Variants in LARP4 observed in about 807,000 individuals in gnomAD.
The protein encoded by LARP4 is la-related protein 4.
LARP4 carries 29 observed loss-of-function variants against 92.9 expected under a neutral mutation model. The observed-to-expected ratio is 0.31, with a 90% CI of 0.23 to 0.43. The LOEUF is 0.43. LARP4 is among the 20% of genes least tolerant of loss of function. LARP4 has a pLI of 1.00. For missense variants in LARP4, 732 were observed against 860.0 expected, an observed-to-expected ratio of 0.85 and a Z score of 1.86; for synonymous variants, 279 against 284.1, an observed-to-expected ratio of 0.98 and a Z score of 0.18.
intron 1 of LARP4, among the ~76,000 whole-genome samples, chr12:50,423,827 C>T (rs1305523934): frequency 6.6e-6 from 1 of 151,496 alleles, no homozygotes. Flanking sequence ...TTTCGGCTCA[C>T]TGCAATCTCC....
chr12:50,451,560 C>T (rs1040994281), intron 8 of LARP4, among the ~76,000 whole-genome samples: 3 of 152,120 alleles, frequency 2.0e-5, no homozygotes, highest in African/African-American at 7.2e-5. Context: ...CAAGGCCAGG[C>T]GCGGTGGCTC....
chr12:50,429,158 T>C (rs1949259755), intron 3 of LARP4, 68 bp downstream of exon 3: 1 of 1,124,504 alleles, frequency 8.9e-7, no homozygotes, highest in African/African-American at 1.6e-5. Context: ...ATGGTCTCTT[T>C]ATACTTGTTC....
chr12:50,468,131 C>T (rs905902863), intron 13 of LARP4, among the ~76,000 whole-genome samples: 3 of 151,984 alleles, frequency 2.0e-5, no homozygotes, highest in African/African-American at 7.3e-5. Flanking sequence ...AGGCATGTGC[C>T]ACCACACCCA....
chr12:50,475,856 C>T lies in LARP4; in HGVS notation c.2167C>T (p.Pro723Ser). The T allele has an allele frequency of 6.2e-7, 1 of 1,610,712 alleles. No homozygotes were observed. Among genetic ancestry groups the T allele is most frequent in the Non-Finnish European group, 8.5e-7 (1 of 1,178,438 alleles). Residue 723 changes from proline (P) to serine (S), a missense_variant, in exon 16 of 16, where the codon CCA becomes TCA. Physicochemically the swap from Pro to Ser is moderately conservative, Grantham distance 74. Around this residue, in one of 7 missense-constraint regions of LARP4, gnomAD observed 115 missense variants for 129.1 expected, o/e 0.89. Transcript: ENST00000398473. ...GKEQYVPPRSPK is the reference protein window; with the variant it reads ...GKEQYVPPRSSK The stretch of plus-strand genomic sequence containing the variant: ...AGAGCAATATGTGCCACCCAGATCA[C>T]CAAAGTAAAAAACAACAAAACTATT...
At chr12:50,421,715 A>G (rs17124672) in intron 1 of LARP4, among the ~76,000 whole-genome samples, 16,680 of 152,044 alleles carry the variant, frequency 0.11, 1,835 homozygotes, top group East Asian at 0.47. Flanking sequence ...GAGAACACCA[A>G]TCTGGTCTGG....
At chr12:50,412,055 G>A (rs548117076) in intron 1 of LARP4, among the ~76,000 whole-genome samples, 2 of 152,256 alleles carry the variant, frequency 1.3e-5, no homozygotes, top group South Asian at 4.1e-4. Context: ...ACTTTACCTT[G>A]AAGTAAAGTA....
intron 1 of LARP4, among the ~76,000 whole-genome samples, chr12:50,422,730 A>G (rs1948011868): frequency 6.6e-6 from 1 of 150,440 alleles, no homozygotes; most frequent in South Asian, 2.1e-4. Flanking sequence ...GAATCATTTT[A>G]TATAGTCTCC....
At chr12:50,460,628 A>G (rs921263933) in intron 10 of LARP4, among the ~76,000 whole-genome samples, 26 of 152,138 alleles carry the variant, frequency 1.7e-4, no homozygotes, top group African/African-American at 6.3e-4. Flanking sequence ...CCAGCCCACA[A>G]CATTTTTTAA....
At chr12:50,474,217 T>A in intron 15 of LARP4, 50 bp downstream of exon 15, 1 of 921,534 alleles carries the variant, frequency 1.1e-6, no homozygotes, top group Non-Finnish European at 1.5e-6. Flanking sequence ...TAGATTAGAT[T>A]TTTTTTTTTT....
chr12:50,474,190 T>C (rs1957283282), intron 15 of LARP4, 23 bp downstream of exon 15: 1 of 1,556,442 alleles, frequency 6.4e-7, no homozygotes, highest in Non-Finnish European at 8.7e-7. Flanking sequence ...TTTTAGTTTA[T>C]GTTAAAAAAA....
Position 50,430,518 on chromosome 12 carries a change from A to C in LARP4, c.346A>C (p.Thr116Pro), listed in dbSNP as rs142269189. 8.6e-5 allele frequency: 138 copies of C among 1,606,898 alleles called. No individual in the cohort carries two copies. Among genetic ancestry groups the C allele is most frequent in the Non-Finnish European group, 1.1e-4 (135 of 1,175,084 alleles). Reference protein sequence around the residue: ...VSGESNSAVSTEDLKECLKKQ... With the variant: ...VSGESNSAVSPEDLKECLKKQ... Reference sequence around the variant, plus strand: ...AGGAGAAAGCAATTCAGCAGTTTCTACAGAAGACCTAAAAGAATGTCTGAA... The same window carrying C: ...AGGAGAAAGCAATTCAGCAGTTTCTCCAGAAGACCTAAAAGAATGTCTGAA... Residue 116 changes from threonine to proline, a missense_variant, in exon 4 of 16, where the codon ACA becomes CCA. Physicochemically the swap from Thr to Pro is conservative, Grantham distance 38. Around this residue, in one of 7 missense-constraint regions of LARP4, gnomAD observed 236 missense variants for 307.6 expected, o/e 0.77. Coordinates refer to ENST00000398473, the MANE Select transcript of LARP4 (RefSeq NM_052879.5).
At chr12:50,459,597 G>A (rs1052363546) in intron 10 of LARP4, among the ~76,000 whole-genome samples, 1 of 152,098 alleles carries the variant, frequency 6.6e-6, no homozygotes, top group Non-Finnish European at 1.5e-5. Flanking sequence ...AGGCCGAGGT[G>A]AGCAGATCAC....
rs527583914 is a variant in LARP4 at position 50,455,809 on chromosome 12, G to A, written c.1121+1392G>A. On this transcript the variant is annotated intron_variant, in intron 10 of 15. Coordinates refer to ENST00000398473, the MANE Select transcript of LARP4 (RefSeq NM_052879.5). ...AATTTTACTACTAAACATAAACACA[G>A]GCTGAGGTGGGTGGATCATCTGAGC... Among the ~76,000 whole-genome samples the A allele has an allele frequency of 8.5e-5, 13 of 152,284 alleles. 1 individual carries two copies. The South Asian group carries it at 2.7e-3, about 32-fold the overall frequency.
At chr12:50,435,766 G>A in intron 5 of LARP4, 142 bp downstream of exon 5, 1 of 491,996 alleles carries the variant, frequency 2.0e-6, no homozygotes, top group Non-Finnish European at 3.4e-6. Flanking sequence ...CTCTCTCTTT[G>A]TTTTTTTTTT....
intron 1 of LARP4, 62 bp downstream of exon 1, chr12:50,401,090 C>G: frequency 6.3e-7 from 1 of 1,587,196 alleles, no homozygotes; most frequent in South Asian, 1.1e-5. Context: ...AGGCGCCGGC[C>G]GGTCCCACCG....
At chr12:50,474,826 A>G (rs796295362) in intron 15 of LARP4, among the ~76,000 whole-genome samples, 4 of 152,226 alleles carry the variant, frequency 2.6e-5, no homozygotes, top group African/African-American at 9.6e-5. Context: ...TTGAGAGGCC[A>G]CTCCCATTTA....
rs758913948 is a variant in LARP4 at position 50,475,872 on chromosome 12, C to G, written c.*8C>G. 7.5e-6 allele frequency: 12 copies of G among 1,605,494 alleles called. No homozygotes were observed. Among genetic ancestry groups the G allele is most frequent in the Non-Finnish European group, 5.1e-6 (6 of 1,174,832 alleles). Reference sequence around the variant, plus strand: ...CCCAGATCACCAAAGTAAAAAACAACAAAACTATTCAAAAACTTCACTCTC... The same window carrying G: ...CCCAGATCACCAAAGTAAAAAACAAGAAAACTATTCAAAAACTTCACTCTC... On this transcript the variant is annotated 3_prime_UTR_variant, in exon 16 of 16. Coordinates refer to ENST00000398473, the MANE Select transcript of LARP4 (RefSeq NM_052879.5).
intron 10 of LARP4, among the ~76,000 whole-genome samples, chr12:50,459,508 C>T (rs942449385): frequency 2.0e-5 from 3 of 152,062 alleles, no homozygotes; most frequent in African/African-American, 7.2e-5. Context: ...CGTTTTTACT[C>T]CCATTAGCGT....
chr12:50,474,233 C>T (rs1436056709), intron 15 of LARP4, 66 bp downstream of exon 15: 43 of 1,149,606 alleles, frequency 3.7e-5, no homozygotes, highest in East Asian at 9.7e-5. Flanking sequence ...TTTTTTTTCA[C>T]GTAACACTTT....
Sources: gnomAD v4.1 joint callset for allele counts (sites outside exome capture counted in the v4.1 genomes callset) on GRCh38, gnomAD v4.1.1 for gene constraint, gnomAD v4.1.1 regional missense constraint, MANE v1.5 for transcripts, NCBI Gene and HGNC (gene_info 2026-07-23, HGNC 2026-07-21) for gene names.